The following PTPN3 variants were observed in gnomAD, a reference collection of about 807,000 sequenced individuals.
PTPN3 encodes the protein tyrosine-protein phosphatase non-receptor type 3.
Under a neutral mutation model 132.7 loss-of-function variants are expected in PTPN3, and 96 were observed. The observed-to-expected ratio is 0.72, with a 90% confidence interval of 0.61 to 0.86. The LOEUF is 0.86. Among genes scored for constraint, PTPN3 ranks in the 40% least tolerant of loss-of-function variants. PTPN3 has a pLI of 0.00. For synonymous variants in PTPN3, 398 were observed against 429.0 expected, an observed-to-expected ratio of 0.93 and a Z score of 0.89; for missense variants, 1,125 against 1,159.6, an observed-to-expected ratio of 0.97 and a Z score of 0.43.
intron 2 of PTPN3, among the ~76,000 whole-genome samples, chr9:109,459,444 C>T (rs886560226): frequency 3.3e-4 from 50 of 152,242 alleles, no homozygotes; most frequent in African/African-American, 1.1e-3. Context: ...TTCCATGGGA[C>T]TCAGCTTTGA....
rs764737939 is a variant in PTPN3, at chr9:109,438,103, GC to G, written c.587+10del. The G allele has an allele frequency of 3.1e-6, 5 of 1,609,450 alleles. No homozygotes were observed. In the Admixed American group the frequency reaches 6.8e-5, roughly 22 times the overall value. Reference sequence around the variant, plus strand: ...CAAGTCCCCAAAGTAGGCCACCCCAGCCCCCCTCACCTGTGCTGCTCATGCA... The same window carrying G: ...CAAGTCCCCAAAGTAGGCCACCCCAGCCCCCTCACCTGTGCTGCTCATGCA... On this transcript the variant is annotated intron_variant, in intron 8 of 25. Coordinates refer to ENST00000374541, the MANE Select transcript of PTPN3 (RefSeq NM_002829.4).
chr9:109,486,271 A>G (rs1847202264), intron 1 of PTPN3, among the ~76,000 whole-genome samples: 1 of 152,204 alleles, frequency 6.6e-6, no homozygotes, highest in African/African-American at 2.4e-5. Flanking sequence ...TGGAGAAAAG[A>G]TGGGGAAAAG....
At chr9:109,535,837 CT>C in the PTPN3 span, among the ~76,000 whole-genome samples, 1 of 152,146 alleles carries the variant, frequency 6.6e-6, no homozygotes, top group African/African-American at 2.4e-5. Context: ...TCTGCTTCCT[CT>C]TTTTCTTTCT....
At chr9:109,432,938 G>C in intron 10 of PTPN3, 135 bp downstream of exon 10, 1 of 1,403,962 alleles carries the variant, frequency 7.1e-7, no homozygotes, top group Admixed American at 2.8e-5. Flanking sequence ...CAAATTTAGA[G>C]GTCAGAGTAA....
intron 1 of PTPN3, among the ~76,000 whole-genome samples, chr9:109,493,365 A>G (rs1847542680): frequency 6.6e-6 from 1 of 152,172 alleles, no homozygotes; most frequent in African/African-American, 2.4e-5. Context: ...CCTCTGTAAA[A>G]TGGGGCTGGA....
intron 18 of PTPN3, among the ~76,000 whole-genome samples, chr9:109,404,958 G>A (rs530523916): frequency 6.6e-6 from 1 of 152,058 alleles, no homozygotes. Context: ...TACCCATCCC[G>A]ACTCCCCTTT....
At chr9:109,535,762 C>T in the PTPN3 span, among the ~76,000 whole-genome samples, 1 of 152,144 alleles carries the variant, frequency 6.6e-6, no homozygotes, top group Non-Finnish European at 1.5e-5. Flanking sequence ...TTGCTTCGGC[C>T]TCTCAGAGTG....
chr9:109,504,704 A>G, the PTPN3 span, among the ~76,000 whole-genome samples: 1 of 152,214 alleles, frequency 6.6e-6, no homozygotes, highest in African/African-American at 2.4e-5. Context: ...TGGACCTGTG[A>G]ACCACCATGT....
chr9:109,436,858 G>A (rs550047302), intron 9 of PTPN3, 25 bp downstream of exon 9: 2 of 1,600,504 alleles, frequency 1.2e-6, no homozygotes. Context: ...TAATGTTTGA[G>A]CCAAGACATA....
chr9:109,516,295 C>G, the PTPN3 span, among the ~76,000 whole-genome samples: 1 of 152,102 alleles, frequency 6.6e-6, no homozygotes, highest in African/African-American at 2.4e-5. Flanking sequence ...ATAGAAGGGA[C>G]AGATAAACTA....
intron 22 of PTPN3, among the ~76,000 whole-genome samples, chr9:109,385,377 C>T (rs902742146): frequency 1.3e-5 from 2 of 152,130 alleles, no homozygotes; most frequent in African/African-American, 4.8e-5. Context: ...CAGCGAGGGG[C>T]GATGATTCTG....
intron 11 of PTPN3, among the ~76,000 whole-genome samples, chr9:109,428,028 T>C (rs565281480): frequency 7.2e-5 from 11 of 152,334 alleles, no homozygotes; most frequent in African/African-American, 2.6e-4. Context: ...CTATGGACTT[T>C]GCTTATGAGA....
At chr9:109,474,361 G>A (rs1055983861) in intron 1 of PTPN3, among the ~76,000 whole-genome samples, 3 of 152,182 alleles carry the variant, frequency 2.0e-5, no homozygotes, top group Non-Finnish European at 2.9e-5. Flanking sequence ...TGGCAAAGGA[G>A]TTCCGCATCA....
At chr9:109,486,657 G>C (rs1347518844) in intron 1 of PTPN3, among the ~76,000 whole-genome samples, 2 of 152,184 alleles carry the variant, frequency 1.3e-5, no homozygotes, top group African/African-American at 4.8e-5. Flanking sequence ...CTCATGAGGA[G>C]TTGTGCAGAT....
intron 14 of PTPN3, among the ~76,000 whole-genome samples, chr9:109,414,053 C>T (rs1203941766): frequency 3.3e-5 from 5 of 152,092 alleles, no homozygotes; most frequent in East Asian, 3.9e-4. Flanking sequence ...TCCTAGTACT[C>T]GGAACACAGG....
the PTPN3 span, among the ~76,000 whole-genome samples, chr9:109,518,713 G>A: frequency 5.9e-5 from 9 of 152,124 alleles, no homozygotes; most frequent in East Asian, 1.4e-3. Context: ...GCTCTGGCTG[G>A]TATGTGTCAC....
At chr9:109,535,841 T>C in the PTPN3 span, among the ~76,000 whole-genome samples, 21 of 152,164 alleles carry the variant, frequency 1.4e-4, no homozygotes, top group Non-Finnish European at 2.6e-4. Context: ...CTTCCTCTTT[T>C]TCTTTCTTTC....
At chr9:109,527,989 A>G in the PTPN3 span, among the ~76,000 whole-genome samples, 5 of 152,204 alleles carry the variant, frequency 3.3e-5, no homozygotes, top group Non-Finnish European at 7.4e-5. Context: ...CATCCAAATA[A>G]TTAATAAGCA....
intron 19 of PTPN3, among the ~76,000 whole-genome samples, chr9:109,398,288 G>C (rs1455658247): frequency 1.3e-5 from 2 of 152,116 alleles, no homozygotes; most frequent in Admixed American, 6.5e-5. Context: ...CGGTCTAAAG[G>C]GTTCTAATCT....
Sources: allele counts gnomAD v4.1 joint callset (sites outside exome capture counted in the v4.1 genomes callset), GRCh38; gene constraint gnomAD v4.1.1; transcripts MANE v1.5; gene names NCBI Gene and HGNC (gene_info 2026-07-23, HGNC 2026-07-21).